SCLT1: variants seen among roughly 807,000 people sequenced by gnomAD.
The protein encoded by SCLT1 is sodium channel-associated protein 1.
Under a neutral mutation model 112.8 loss-of-function variants are expected in SCLT1, and 78 were observed. The ratio of observed to expected loss-of-function variants is 0.69; its 90% confidence interval spans 0.58 to 0.83. SCLT1 has a LOEUF of 0.83. Among genes scored for constraint, SCLT1 ranks in the 40% least tolerant of loss-of-function variants. The probability of loss-of-function intolerance (pLI) is 0.00; values close to 1 mark genes in which losing one functional copy is unlikely to be tolerated. For synonymous variants in SCLT1, 257 were observed against 254.7 expected, an observed-to-expected ratio of 1.01 and a Z score of -0.09; for missense variants, 747 against 770.4, an observed-to-expected ratio of 0.97 and a Z score of 0.36.
At chr4:129,081,359 C>A (rs960302535) in intron 2 of SCLT1, among the ~76,000 whole-genome samples, 16 of 152,200 alleles carry the variant, frequency 1.1e-4, no homozygotes, top group Non-Finnish European at 1.5e-5. Flanking sequence ...TCCCCTGGAC[C>A]CACCTTTTAA....
At chr4:128,979,545 A>T (rs1741468392) in intron 9 of SCLT1, among the ~76,000 whole-genome samples, 1 of 152,212 alleles carries the variant, frequency 6.6e-6, no homozygotes, top group African/African-American at 2.4e-5. Context: ...TGTAATAAAT[A>T]CATTTCTGTT....
intron 2 of SCLT1, among the ~76,000 whole-genome samples, chr4:129,073,191 T>G (rs1279121813): frequency 6.6e-6 from 1 of 152,090 alleles, no homozygotes; most frequent in Non-Finnish European, 1.5e-5. Context: ...ACCATGGTAT[T>G]TGGGATGTCT....
chr4:128,887,187 T>C (rs1732955330), intron 20 of SCLT1, among the ~76,000 whole-genome samples: 1 of 152,192 alleles, frequency 6.6e-6, no homozygotes, highest in Admixed American at 6.5e-5. Flanking sequence ...CCAAAACACA[T>C]ACTTGCCAGA....
intron 5 of SCLT1, among the ~76,000 whole-genome samples, chr4:129,023,201 T>C (rs1268548300): frequency 1.3e-5 from 2 of 152,058 alleles, no homozygotes; most frequent in African/African-American, 4.8e-5. Context: ...CACAATAAAA[T>C]ATAAAGACCA....
intron 18 of SCLT1, among the ~76,000 whole-genome samples, chr4:128,934,555 A>T (rs1415458121): frequency 6.6e-6 from 1 of 151,890 alleles, no homozygotes; most frequent in Non-Finnish European, 1.5e-5. Flanking sequence ...ATAGTTTTCA[A>T]ACAAAAGTCT....
chr4:128,951,928 T>C (rs1738782682), intron 14 of SCLT1, among the ~76,000 whole-genome samples: 1 of 152,106 alleles, frequency 6.6e-6, no homozygotes, highest in Non-Finnish European at 1.5e-5. Context: ...CGAAAGAAAA[T>C]GTGATCCCTC....
chr4:129,035,664 G>A (rs1459965153), intron 5 of SCLT1, among the ~76,000 whole-genome samples: 1 of 152,014 alleles, frequency 6.6e-6, no homozygotes. Context: ...TGCTGTACAT[G>A]TATTCATTCA....
chr4:129,032,703 A>G (rs1746834567), intron 5 of SCLT1, among the ~76,000 whole-genome samples: 1 of 152,190 alleles, frequency 6.6e-6, no homozygotes, highest in South Asian at 2.1e-4. Context: ...TCAAAAGAAG[A>G]TATTTATACA....
At position 128,954,073 on chromosome 4, in the gene SCLT1, C is replaced by G. The variant is rs183387892; in HGVS notation, c.1147-1233G>C. On this transcript the variant is annotated intron_variant, in intron 13 of 20. Transcript: ENST00000281142. ...GATTTCGCTATGACAATAAATTTTT[C>G]TAATAACTATTCATGCTTTTTAAAA... Among the ~76,000 whole-genome samples, 627 of 152,054 alleles carry G rather than the reference C, an allele frequency of 4.1e-3. 16 individuals carry two copies. The highest frequency in any genetic ancestry group is 5.8e-4 in the East Asian group (3 of 5,176).
chr4:128,986,908 G>A (rs1485129680), intron 9 of SCLT1, among the ~76,000 whole-genome samples: 4 of 151,984 alleles, frequency 2.6e-5, no homozygotes, highest in Non-Finnish European at 5.9e-5. Context: ...CATGAGAGTG[G>A]GCACGTCACC....
In SCLT1 at chr4:128,999,668, T is replaced by C. The variant is rs201885136; in HGVS notation, c.549+4A>G. ...TACAAGAAAATGATGAAATCCAAGA[T>C]TACCTTTTGTTTTTGACTTTCAAAT... On this transcript the variant is annotated splice_donor_region_variant and intron_variant, in intron 7 of 20. Coordinates refer to ENST00000281142, the MANE Select transcript of SCLT1 (RefSeq NM_144643.4). The C allele has an allele frequency of 1.2e-4, 185 of 1,593,784 alleles. No homozygotes were observed. The highest frequency in any genetic ancestry group is 1.5e-4 in the Non-Finnish European group (181 of 1,169,746).
rs753348121 is a variant in SCLT1 at position 128,999,671 on chromosome 4, C to G, written c.549+1G>C. The G allele has an allele frequency of 1.3e-6, 2 of 1,593,132 alleles. No individual in the cohort carries two copies. Among genetic ancestry groups the G allele is most frequent in the Non-Finnish European group, 1.7e-6 (2 of 1,169,340 alleles). On this transcript the variant is annotated splice_donor_variant, in intron 7 of 20. Transcript: ENST00000281142. LOFTEE classifies it high-confidence loss of function. ...AAGAAAATGATGAAATCCAAGATTA[C>G]CTTTTGTTTTTGACTTTCAAATACA...
intron 4 of SCLT1, among the ~76,000 whole-genome samples, chr4:129,042,093 A>G (rs1234488105): frequency 1.3e-5 from 2 of 152,138 alleles, no homozygotes; most frequent in Non-Finnish European, 2.9e-5. Flanking sequence ...ATTTGCATTA[A>G]TGAAAGCCAA....
chr4:129,006,991 G>A (rs1042169602), intron 5 of SCLT1, among the ~76,000 whole-genome samples: 1 of 152,182 alleles, frequency 6.6e-6, no homozygotes, highest in African/African-American at 2.4e-5. Flanking sequence ...TCCATTGTGA[G>A]TTCTTTGACC....
chr4:128,991,023 T>C (rs913544202), intron 9 of SCLT1, among the ~76,000 whole-genome samples: 1 of 151,678 alleles, frequency 6.6e-6, no homozygotes, highest in African/African-American at 2.4e-5. Context: ...ATCAAATCTA[T>C]AGATTAAATG....
intron 17 of SCLT1, among the ~76,000 whole-genome samples, chr4:128,941,749 G>T (rs1446498543): frequency 6.6e-6 from 1 of 152,014 alleles, no homozygotes; most frequent in African/African-American, 2.4e-5. Context: ...AAACCCAAAG[G>T]CAAGAAGATT....
intron 2 of SCLT1, among the ~76,000 whole-genome samples, chr4:129,050,961 G>A (rs1748727940): frequency 6.6e-6 from 1 of 152,024 alleles, no homozygotes; most frequent in African/African-American, 2.4e-5. Flanking sequence ...AGTATTCCCA[G>A]CACCATTAAT....
At chr4:128,875,565 T>C (rs777243009) in intron 4 of SCLT1, among the ~76,000 whole-genome samples, 5 of 152,220 alleles carry the variant, frequency 3.3e-5, no homozygotes, top group South Asian at 4.1e-4. Flanking sequence ...GCACATGACA[T>C]TGGCCAAGTC....
chr4:128,999,887 A>G, intron 6 of SCLT1, 93 bp from the exon 7 acceptor site: 1 of 723,868 alleles, frequency 1.4e-6, no homozygotes. Flanking sequence ...ATAAGTTCTT[A>G]TAAAGTCATA....
Sources: gnomAD v4.1 joint callset for allele counts (sites outside exome capture counted in the v4.1 genomes callset) on GRCh38, gnomAD v4.1.1 for gene constraint, MANE v1.5 for transcripts, NCBI Gene and HGNC (gene_info 2026-07-23, HGNC 2026-07-21) for gene names.